DOCK3: variants seen among roughly 807,000 people sequenced by gnomAD.
DOCK3 encodes the protein dedicator of cytokinesis protein 3.
A neutral mutation model predicts 265.6 loss-of-function variants in DOCK3; 60 were observed. The observed-to-expected ratio is 0.23, with a 90% CI of 0.18 to 0.28. The LOEUF is 0.28. Ranked by LOEUF, DOCK3 falls within the 10% of genes least tolerant of loss-of-function variation. The pLI is 1.00. For missense variants in DOCK3, 1,981 were observed against 2,594.3 expected (o/e 0.76, Z 5.14); for synonymous variants, 881 against 938.0 (o/e 0.94, Z 1.11).
chr3:50,894,607 T>A (rs1344286847), intron 4 of DOCK3, among the ~76,000 whole-genome samples: 1 of 152,150 alleles, frequency 6.6e-6, no homozygotes, highest in Non-Finnish European at 1.5e-5. Flanking sequence ...TAAATAATTT[T>A]AGTATAAGAG....
At chr3:51,338,716 T>A (rs1379837491) in intron 36 of DOCK3, among the ~76,000 whole-genome samples, 1 of 151,430 alleles carries the variant, frequency 6.6e-6, no homozygotes, top group Non-Finnish European at 1.5e-5. Flanking sequence ...GCCCTGATGC[T>A]TTTCCTCTTA....
At position 50,802,765 on chromosome 3, in the gene DOCK3, T is replaced by G. The variant is rs530138229; in HGVS notation, c.121+24007T>G. Reference sequence around the variant, plus strand: ...TAATATATGTCTCTCAGTGAGGACCTGTTTGGGTTGAATCTGTTGGGGTTC... The same window carrying G: ...TAATATATGTCTCTCAGTGAGGACCGGTTTGGGTTGAATCTGTTGGGGTTC... On this transcript the variant is annotated intron_variant, in intron 2 of 52. Transcript: ENST00000266037. Among the ~76,000 whole-genome samples, 139 of 152,246 alleles carry G rather than the reference T, an allele frequency of 9.1e-4. 1 individual carries two copies. Among genetic ancestry groups the G allele is most frequent in the South Asian group, 2.5e-3 (12 of 4,824 alleles).
At chr3:50,802,490 A>T (rs933951381) in intron 2 of DOCK3, among the ~76,000 whole-genome samples, 1 of 152,114 alleles carries the variant, frequency 6.6e-6, no homozygotes, top group East Asian at 1.9e-4. Context: ...CTTGTCTGTG[A>T]AAGATTTTAT....
chr3:51,295,062 C>T (rs1034505244), intron 27 of DOCK3, among the ~76,000 whole-genome samples: 4 of 152,118 alleles, frequency 2.6e-5, no homozygotes, highest in African/African-American at 7.2e-5. Flanking sequence ...CGGTGTAATA[C>T]ACCCTTAAAT....
At chr3:51,175,934 A>G (rs926581346) in intron 12 of DOCK3, among the ~76,000 whole-genome samples, 1 of 152,186 alleles carries the variant, frequency 6.6e-6, no homozygotes, top group African/African-American at 2.4e-5. Context: ...ATTATCAAAC[A>G]GTGTTCAGAC....
At chr3:51,107,997 A>G (rs1024738676) in intron 9 of DOCK3, among the ~76,000 whole-genome samples, 1 of 152,114 alleles carries the variant, frequency 6.6e-6, no homozygotes, top group Admixed American at 6.5e-5. Flanking sequence ...CTCTCAACAG[A>G]AACCCTACAA....
chr3:51,241,508 AAT>A (rs1465647292), intron 21 of DOCK3, among the ~76,000 whole-genome samples: 2 of 152,166 alleles, frequency 1.3e-5, no homozygotes, highest in African/African-American at 4.8e-5. Context: ...GATATCCTGA[AAT>A]ATGTTTTCTA....
chr3:51,187,684 T>G (rs968680913), intron 12 of DOCK3, among the ~76,000 whole-genome samples: 15 of 151,372 alleles, frequency 9.9e-5, no homozygotes, highest in African/African-American at 3.6e-4. Context: ...GTCTTTCTTG[T>G]GCTGTTCTCA....
chr3:51,189,669 C>T (rs905520572), intron 12 of DOCK3, among the ~76,000 whole-genome samples: 2 of 152,138 alleles, frequency 1.3e-5, no homozygotes, highest in African/African-American at 4.8e-5. Flanking sequence ...GGTTTATGGG[C>T]ACTTAGGTTG....
intron 2 of DOCK3, among the ~76,000 whole-genome samples, chr3:50,809,127 T>C (rs1341344501): frequency 6.6e-6 from 1 of 152,222 alleles, no homozygotes; most frequent in African/African-American, 2.4e-5. Context: ...AATGAAAATT[T>C]TCTTGTTCAA....
Position 51,244,580 on chromosome 3 carries a change from T to G in DOCK3, c.2103-2146T>G, listed in dbSNP as rs561274068. On this transcript the variant is annotated intron_variant, in intron 21 of 52. Transcript: ENST00000266037. ...ATTTATTAGTTCTAACAGGTTTTTT[T>G]GGGGATTCTTTAGGGTTTTCTACAT... is the stretch of plus-strand genomic sequence containing the variant. Among the ~76,000 whole-genome samples, 112 of 152,322 alleles carry G rather than the reference T, an allele frequency of 7.4e-4. 1 individual carries two copies. In the East Asian group the frequency reaches 0.019, roughly 26 times the overall value.
At chr3:51,347,357 G>T (rs979799975) in intron 38 of DOCK3, among the ~76,000 whole-genome samples, 2 of 152,114 alleles carry the variant, frequency 1.3e-5, no homozygotes, top group South Asian at 2.1e-4. Context: ...TTCTACATAT[G>T]GCTAGCCAGT....
At chr3:50,711,284 C>T (rs2036749811) in intron 1 of DOCK3, among the ~76,000 whole-genome samples, 1 of 143,334 alleles carries the variant, frequency 7.0e-6, no homozygotes, top group Non-Finnish European at 1.5e-5. Context: ...TTTTTTGAGA[C>T]AGAGTTTTGC....
Position 50,877,012 on chromosome 3 carries a change from G to A in DOCK3, c.163-13014G>A, listed in dbSNP as rs540142848. 23 of 163,664 alleles carry A rather than the reference G, an allele frequency of 1.4e-4. 1 individual carries two copies. The South Asian group carries it at 3.7e-3, about 27-fold the overall frequency. The allele number at this position is 163,664 out of a possible 1,614,324, so 10.1% of individuals were successfully genotyped here. On this transcript the variant is annotated intron_variant, in intron 3 of 52. Transcript: ENST00000266037. ...TTACTGTATTTTATGTGTGGCCCAA[G>A]ACAATTCTTCTTTGAGTGTGGTCCA...
chr3:50,885,467 G>C (rs765396809), intron 3 of DOCK3, among the ~76,000 whole-genome samples: 39 of 146,022 alleles, frequency 2.7e-4, no homozygotes, highest in African/African-American at 4.8e-4. Context: ...GTTTAGTTTT[G>C]TATGAAACTG....
chr3:51,311,346 C>G (rs1316683033), intron 28 of DOCK3, among the ~76,000 whole-genome samples: 4 of 152,178 alleles, frequency 2.6e-5, no homozygotes, highest in African/African-American at 4.8e-5. Flanking sequence ...AGCCAAGGCC[C>G]TATGTAATGA....
chr3:50,732,014 G>A (rs2038243513), intron 1 of DOCK3, among the ~76,000 whole-genome samples: 1 of 151,756 alleles, frequency 6.6e-6, no homozygotes, highest in African/African-American at 2.4e-5. Flanking sequence ...GTTTGGCAAA[G>A]TCTGAGAACA....
intron 1 of DOCK3, among the ~76,000 whole-genome samples, chr3:50,727,314 G>A (rs1388931678): frequency 6.6e-6 from 1 of 152,190 alleles, no homozygotes; most frequent in Non-Finnish European, 1.5e-5. Flanking sequence ...CAAATGTTAT[G>A]CATAAGAAAT....
chr3:50,750,967 A>T (rs1453009122), intron 1 of DOCK3, among the ~76,000 whole-genome samples: 1 of 152,206 alleles, frequency 6.6e-6, no homozygotes, highest in Admixed American at 6.6e-5. Flanking sequence ...ATTTGTATGG[A>T]CAATGTAGAA....
Sources: allele counts gnomAD v4.1 joint callset (sites outside exome capture counted in the v4.1 genomes callset), GRCh38; gene constraint gnomAD v4.1.1; transcripts MANE v1.5; gene names NCBI Gene and HGNC (gene_info 2026-07-23, HGNC 2026-07-21).